BPIFB4: variants seen among roughly 807,000 people sequenced by gnomAD.
BPIFB4 encodes the protein BPI fold containing family B member 4.
BPIFB4 carries 62 observed loss-of-function variants against 69.2 expected under a neutral mutation model. The observed-to-expected ratio is 0.90, with a 90% CI of 0.73 to 1.11. BPIFB4 has a LOEUF of 1.11. Ranked by LOEUF, BPIFB4 falls within the 50% of genes least tolerant of loss-of-function variation. The pLI, the probability that BPIFB4 is intolerant of heterozygous loss-of-function variation, is 0.00. For synonymous variants in BPIFB4, 330 were observed against 332.7 expected (o/e 0.99, Z 0.09); for missense variants, 789 against 792.0 (o/e 1.00, Z 0.04).
intron 15 of BPIFB4, 83 bp from the exon 16 acceptor site, chr20:33,104,727 T>C (rs1981995175): frequency 7.4e-7 from 1 of 1,343,754 alleles, no homozygotes; most frequent in Admixed American, 1.9e-5. Context: ...GTCTCCACCT[T>C]GAGCCAGGGG....
intron 17 of BPIFB4, 97 bp from the exon 18 acceptor site, chr20:33,111,317 T>G (rs1477659931): frequency 6.6e-7 from 1 of 1,524,564 alleles, no homozygotes; most frequent in Non-Finnish European, 9.1e-7. Context: ...TACTGCTTCC[T>G]AGAAACATGA....
At chr20:33,105,850 G>A (rs746347068) in intron 16 of BPIFB4, among the ~76,000 whole-genome samples, 7 of 152,182 alleles carry the variant, frequency 4.6e-5, no homozygotes, top group Non-Finnish European at 8.8e-5. Flanking sequence ...GAGACGGAGC[G>A]TCTTGCCTGG....
At position 33,083,391 on chromosome 20, in the gene BPIFB4, A is replaced by G; in HGVS notation, c.194A>G (p.Asp65Gly). ...PLGVGDIPYNDFHVRGPPPVY... is the reference protein window; with the variant it reads ...PLGVGDIPYNGFHVRGPPPVY... ...GGTGTTGGTGATATTCCCTACAATGACTTCCATGTCCGAGGACCCCCCCCA... is the reference window on the plus strand; with the variant it reads ...GGTGTTGGTGATATTCCCTACAATGGCTTCCATGTCCGAGGACCCCCCCCA... Residue 65 changes from aspartate (D) to glycine (G), a missense_variant, in exon 5 of 18, where the codon GAC becomes GGC. Asp to Gly is a moderately conservative substitution (Grantham distance 94, BLOSUM62 -1). Transcript: ENST00000375483. 1 of 1,613,130 alleles carries G rather than the reference A, an allele frequency of 6.2e-7. No homozygotes were observed. Among genetic ancestry groups the G allele is most frequent in the Non-Finnish European group, 8.5e-7 (1 of 1,179,526 alleles).
At chr20:33,088,890 G>T in intron 7 of BPIFB4, 76 bp from the exon 8 acceptor site, 1 of 1,604,846 alleles carries the variant, frequency 6.2e-7, no homozygotes, top group South Asian at 1.1e-5. Flanking sequence ...CTGGACTAGT[G>T]ACCCACAGGG....
At chr20:33,106,687 TACAGAA>T in intron 16 of BPIFB4, among the ~76,000 whole-genome samples, 1 of 152,286 alleles carries the variant, frequency 6.6e-6, no homozygotes, top group Middle Eastern at 3.4e-3. Flanking sequence ...GCGTGACAGA[TACAGAA>T]ACAGATAATT....
chr20:33,109,260 G>A (rs889875381), intron 17 of BPIFB4, among the ~76,000 whole-genome samples: 45 of 152,128 alleles, frequency 3.0e-4, no homozygotes, highest in African/African-American at 9.9e-4. Flanking sequence ...AAGGGGTTAG[G>A]AAACACGAAC....
chr20:33,104,737 G>T lies in BPIFB4; in HGVS notation c.1681-73G>T. 6.3e-6 allele frequency: 9 copies of T among 1,433,662 alleles called. No homozygotes were observed. In the South Asian group the frequency reaches 1.1e-4, roughly 17 times the overall value. 88.8% of individuals were successfully genotyped at this position (1,433,662 alleles called of 1,614,324 possible). A position where few individuals can be genotyped will look rare whatever the true frequency, so the allele number is the denominator to read the frequency against. ...TCTGTGTCTCCACCTTGAGCCAGGG[G>T]AGCAGACCCAAGGGGCCCTCTGGAG... On this transcript the variant is annotated intron_variant, in intron 15 of 17. Transcript: ENST00000375483.
At chr20:33,094,142 A>T (rs1444887737) in intron 11 of BPIFB4, among the ~76,000 whole-genome samples, 1 of 152,262 alleles carries the variant, frequency 6.6e-6, no homozygotes, top group African/African-American at 2.4e-5. Context: ...TGGTGTCCGT[A>T]TATAGTTAGC....
At chr20:33,085,956 G>A in intron 6 of BPIFB4, 65 bp from the exon 7 acceptor site, 3 of 1,539,898 alleles carry the variant, frequency 1.9e-6, no homozygotes, top group South Asian at 2.3e-5. Context: ...ACAGGCCTGG[G>A]TAAGGGTGAG....
intron 9 of BPIFB4, among the ~76,000 whole-genome samples, chr20:33,090,265 T>C (rs1332738220): frequency 6.6e-6 from 1 of 152,194 alleles, no homozygotes; most frequent in Non-Finnish European, 1.5e-5. Flanking sequence ...GAAATCTCCT[T>C]CCCTTTGTGG....
At chr20:33,090,876 G>A in intron 10 of BPIFB4, 77 bp downstream of exon 10, 13 of 1,554,602 alleles carry the variant, frequency 8.4e-6, no homozygotes, top group Non-Finnish European at 1.1e-5. Flanking sequence ...CCCTCCCAGG[G>A]CTTCTGCTGA....
chr20:33,102,913 A>G (rs1981944997), intron 14 of BPIFB4, 59 bp from the exon 15 acceptor site: 8 of 1,554,150 alleles, frequency 5.1e-6, no homozygotes, highest in Admixed American at 1.7e-5. Context: ...TTGCAATGCA[A>G]GAGCCTTATG....
intron 7 of BPIFB4, among the ~76,000 whole-genome samples, chr20:33,088,313 C>T (rs2146405751): frequency 6.8e-6 from 1 of 147,226 alleles, no homozygotes; most frequent in Non-Finnish European, 1.5e-5. Flanking sequence ...TACACTCCAG[C>T]CTGGGCAACA....
chr20:33,104,706 A>G lies in BPIFB4; in HGVS notation c.1681-104A>G. On this transcript the variant is annotated intron_variant, in intron 15 of 17. Transcript: ENST00000375483. The stretch of plus-strand genomic sequence containing the variant: ...ACTGCCAGAACCTAGACTCTCCCAG[A>G]GCAGGTCTGTGTCTCCACCTTGAGC... 4 of 1,059,896 alleles carry G rather than the reference A, an allele frequency of 3.8e-6. No individual in the cohort carries two copies. In the East Asian group the frequency reaches 7.3e-5, roughly 19 times the overall value. The allele number at this position is 1,059,896 out of a possible 1,614,324, so 65.7% of individuals were successfully genotyped here. A position where few individuals can be genotyped will look rare whatever the true frequency, so the allele number is the denominator to read the frequency against.
At position 33,104,827 on chromosome 20, in the gene BPIFB4, GC is replaced by G. The variant is rs1337245117; in HGVS notation, c.1699del (p.Leu567TrpfsTer14). The G allele has an allele frequency of 1.2e-6, 2 of 1,614,166 alleles. No individual in the cohort carries two copies. The highest frequency in any genetic ancestry group is 1.7e-6 in the Non-Finnish European group (2 of 1,180,028). On this transcript the variant is annotated frameshift_variant, in exon 16 of 18. Coordinates refer to ENST00000375483, the MANE Select transcript of BPIFB4 (RefSeq NM_182519.3). LOFTEE classifies it high-confidence loss of function. The part of the protein sequence containing the change: ...GNFDIGLMEV[L>X]VEKIFDLAFM... ...CTCTGCAGATTGGCCTCATGGAGGT[GC>G]TGGTGGAGAAGATTTTTGACCTGGC...
chr20:33,090,925 A>G, intron 10 of BPIFB4, 126 bp downstream of exon 10: 6 of 1,134,424 alleles, frequency 5.3e-6, no homozygotes, highest in Non-Finnish European at 6.2e-6. Flanking sequence ...CCTCTCGATT[A>G]GAAGAAGGCC....
At chr20:33,081,376 T>C in intron 2 of BPIFB4, 136 bp from the exon 3 acceptor site, 1 of 1,421,046 alleles carries the variant, frequency 7.0e-7, no homozygotes, top group Non-Finnish European at 9.2e-7. Context: ...TGCCTTAGTA[T>C]GTGACCTTGG....
rs748881445 is a variant in BPIFB4, at chr20:33,089,037, G to A, written c.990+8G>A. 6.2e-7 allele frequency: 1 copy of A among 1,613,880 alleles called. No individual in the cohort carries two copies. Among genetic ancestry groups the A allele is most frequent in the Admixed American group, 1.7e-5 (1 of 60,004 alleles). On this transcript the variant is annotated splice_region_variant and intron_variant, in intron 8 of 17. Transcript: ENST00000375483. ...GACGTCCTCCCTGACTTGGTAAGAA[G>A]CTGTCCCAGTATGGGAGCAAGGGGC...
rs1981794028 is a variant in BPIFB4 at position 33,097,701 on chromosome 20, A to C, written c.1483A>C (p.Lys495Gln). The C allele has an allele frequency of 6.2e-7, 1 of 1,613,934 alleles. No homozygotes were observed. The highest frequency in any genetic ancestry group is 1.3e-5 in the African/African-American group (1 of 74,938). Residue 495 changes from lysine (K) to glutamine (Q), a missense_variant, in exon 13 of 18, where the codon AAA (lysine) becomes CAA (glutamine). Transcript: ENST00000375483. ...ACCATCTGTGATGCTGCAGAAGGACAAAGCGCTGGTGAAGGTGTTGGCCAC... is the reference window on the plus strand; with the variant it reads ...ACCATCTGTGATGCTGCAGAAGGACCAAGCGCTGGTGAAGGTGTTGGCCAC... ...NPPSVMLQKD[K>Q]ALVKVLATAE...
Sources: gnomAD v4.1 joint callset for allele counts (sites outside exome capture counted in the v4.1 genomes callset) on GRCh38, gnomAD v4.1.1 for gene constraint, MANE v1.5 for transcripts, NCBI Gene and HGNC (gene_info 2026-07-23, HGNC 2026-07-21) for gene names.